The following ZWILCH variants were observed in gnomAD, a reference collection of about 807,000 sequenced individuals.
ZWILCH encodes the protein protein zwilch homolog.
A neutral mutation model predicts 79.9 loss-of-function variants in ZWILCH; 74 were observed. That is an observed-to-expected ratio of 0.93 (90% CI 0.77 to 1.12). ZWILCH has a LOEUF of 1.12. ZWILCH is among the 50% of genes most tolerant of loss of function. ZWILCH has a pLI of 0.00. For synonymous variants in ZWILCH, 241 were observed against 228.2 expected (o/e 1.06, Z -0.51); for missense variants, 694 against 687.5 (o/e 1.01, Z -0.11).
At chr15:66,519,140 TG>T (rs1894400066) in intron 5 of ZWILCH, 62 bp downstream of exon 5, 5 of 1,544,676 alleles carry the variant, frequency 3.2e-6, no homozygotes, top group Admixed American at 1.7e-5. Context: ...TATTGTTTCA[TG>T]TTTTTTTACG....
chr15:66,520,414 C>G lies in ZWILCH; in HGVS notation c.521-176C>G, dbSNP rs1567044026. ...GGGATTATATGTGTGAGCCACCATA[C>G]CCAGCCCACTTTCATTCTCTTATAA... On this transcript the variant is annotated intron_variant, in intron 5 of 18. Transcript: ENST00000307897. The G allele has an allele frequency of 5.4e-6, 3 of 551,054 alleles. No homozygotes were observed. The Admixed American group carries it at 1.0e-4, about 19-fold the overall frequency. 34.1% of individuals were successfully genotyped at this position (551,054 alleles called of 1,614,324 possible).
intron 11 of ZWILCH, 113 bp downstream of exon 11, chr15:66,529,070 A>C: frequency 2.6e-6 from 2 of 757,770 alleles, no homozygotes; most frequent in Non-Finnish European, 4.3e-6. Flanking sequence ...CTGGTTCTTA[A>C]CTTTATCTAA....
chr15:66,527,764 C>A (rs978432356), intron 9 of ZWILCH, 93 bp from the exon 10 acceptor site: 1 of 1,080,322 alleles, frequency 9.3e-7, no homozygotes, highest in Non-Finnish European at 1.4e-6. Flanking sequence ...TAGACTTCTA[C>A]TGTCCCCATT....
intron 17 of ZWILCH, among the ~76,000 whole-genome samples, chr15:66,545,439 T>C (rs1895338328): frequency 6.6e-6 from 1 of 152,254 alleles, no homozygotes; most frequent in Non-Finnish European, 1.5e-5. Context: ...CTTTTCCTAA[T>C]AATGCTGAAT....
chr15:66,526,681 C>T (rs1894686150), intron 8 of ZWILCH, among the ~76,000 whole-genome samples: 1 of 152,036 alleles, frequency 6.6e-6, no homozygotes, highest in African/African-American at 2.4e-5. Context: ...CCAGGATGGT[C>T]TCGATCTCCT....
In ZWILCH at chr15:66,549,728, T is replaced by C. The variant is rs1400042442; in HGVS notation, c.*1404T>C. 1 of 200,200 alleles carries C rather than the reference T, an allele frequency of 5.0e-6. No homozygotes were observed. The highest frequency in any genetic ancestry group is 2.3e-5 in the African/African-American group (1 of 43,016). 12.4% of individuals were successfully genotyped at this position (200,200 alleles called of 1,614,324 possible). On this transcript the variant is annotated 3_prime_UTR_variant, in exon 19 of 19. Coordinates refer to ENST00000307897, the MANE Select transcript of ZWILCH (RefSeq NM_017975.5). The stretch of plus-strand genomic sequence containing the variant: ...TTTTCCTTCATCCCAGTTGGTATAG[T>C]GGTTGGCTTTTCCTCTCCTTGCCCA...
At chr15:66,513,273 G>A (rs1406144830) in intron 2 of ZWILCH, among the ~76,000 whole-genome samples, 2 of 151,586 alleles carry the variant, frequency 1.3e-5, no homozygotes, top group Non-Finnish European at 2.9e-5. Context: ...GAATGAGAAT[G>A]TATGAAGTTT....
chr15:66,532,958 T>C, intron 13 of ZWILCH, 27 bp from the exon 14 acceptor site: 1 of 1,519,502 alleles, frequency 6.6e-7, no homozygotes, highest in Non-Finnish European at 8.9e-7. Flanking sequence ...TGAAGTGTTT[T>C]TGCATGTATG....
intron 2 of ZWILCH, among the ~76,000 whole-genome samples, chr15:66,513,438 C>T (rs1052984459): frequency 2.0e-5 from 3 of 151,878 alleles, no homozygotes; most frequent in Admixed American, 6.5e-5. Context: ...CGGTGGCACA[C>T]ACCTGAAGTT....
At chr15:66,528,798 T>G in intron 10 of ZWILCH, 54 bp from the exon 11 acceptor site, 1 of 1,501,506 alleles carries the variant, frequency 6.7e-7, no homozygotes, top group Non-Finnish European at 9.2e-7. Context: ...AAGGCTTAAA[T>G]TATTTCACTT....
intron 17 of ZWILCH, among the ~76,000 whole-genome samples, chr15:66,543,707 AG>A (rs1895265522): frequency 6.6e-6 from 1 of 151,696 alleles, no homozygotes. Flanking sequence ...CAGTGAGCTG[AG>A]GTTGTGCCAT....
chr15:66,548,554 A>G lies in ZWILCH; in HGVS notation c.*230A>G, dbSNP rs1369493544. ...AGTGATGAGGACACAGAGGGAGCAG[A>G]CAGTGGGTACCACGATCTCCGTAAC... On this transcript the variant is annotated 3_prime_UTR_variant, in exon 19 of 19. Transcript: ENST00000307897. The G allele has an allele frequency of 3.1e-6, 5 of 1,613,848 alleles. No individual in the cohort carries two copies. The highest frequency in any genetic ancestry group is 1.7e-5 in the Admixed American group (1 of 60,020).
chr15:66,507,055 G>A (rs181820407), intron 1 of ZWILCH, among the ~76,000 whole-genome samples: 38 of 152,152 alleles, frequency 2.5e-4, no homozygotes, highest in African/African-American at 6.7e-4. Flanking sequence ...TAGAGAAGAG[G>A]TTTCACCATG....
rs758887068 is a variant in ZWILCH, at chr15:66,535,907, A to AT, written c.1342-22dup. On this transcript the variant is annotated intron_variant, in intron 14 of 18. Coordinates refer to ENST00000307897, the MANE Select transcript of ZWILCH (RefSeq NM_017975.5). The stretch of plus-strand genomic sequence containing the variant: ...GGTTACACAGGTGCTTTAAATCTCT[A>AT]TTTTGCTTATATTTTTTCATTCCAG... 3.2e-5 allele frequency: 51 copies of AT among 1,580,134 alleles called. No individual in the cohort carries two copies. In the South Asian group the frequency reaches 5.6e-4, roughly 17 times the overall value.
intron 12 of ZWILCH, among the ~76,000 whole-genome samples, chr15:66,530,659 T>C (rs1031899710): frequency 1.3e-5 from 2 of 151,962 alleles, no homozygotes; most frequent in African/African-American, 4.8e-5. Context: ...TTTTTCCAAC[T>C]GTGTTATATT....
rs754889549 is a variant in ZWILCH, at chr15:66,519,087, T to C, written c.520+9T>C. The C allele has an allele frequency of 1.2e-6, 2 of 1,612,500 alleles. No individual in the cohort carries two copies. Among genetic ancestry groups the C allele is most frequent in the Non-Finnish European group, 1.7e-6 (2 of 1,178,498 alleles). ...TGTGGTCAGTTGTAAAGGTGAGTGC[T>C]CTCTCTAGAGAGTGTGTGTGTGTAT... On this transcript the variant is annotated intron_variant, in intron 5 of 18. Transcript: ENST00000307897.
At chr15:66,505,667 A>G (rs2140725476) in intron 1 of ZWILCH, 4 of 478,346 alleles carry the variant, frequency 8.4e-6, no homozygotes, top group Admixed American at 4.2e-5. Flanking sequence ...TGATGGACAC[A>G]CTTGCCATAA....
intron 1 of ZWILCH, among the ~76,000 whole-genome samples, chr15:66,506,176 T>G (rs948799316): frequency 7.9e-5 from 12 of 152,214 alleles, no homozygotes; most frequent in African/African-American, 2.9e-4. Context: ...CTAAATGTTA[T>G]AATTTTTCAT....
chr15:66,518,570 T>C (rs920892656), intron 4 of ZWILCH, among the ~76,000 whole-genome samples: 1 of 152,198 alleles, frequency 6.6e-6, no homozygotes, highest in Non-Finnish European at 1.5e-5. Context: ...CCCAACACTT[T>C]GGAAGGCTAA....
Sources: gnomAD v4.1 joint callset for allele counts (sites outside exome capture counted in the v4.1 genomes callset) on GRCh38, gnomAD v4.1.1 for gene constraint, MANE v1.5 for transcripts, NCBI Gene and HGNC (gene_info 2026-07-23, HGNC 2026-07-21) for gene names.